The following PRUNE2 variants were observed in gnomAD, a reference collection of about 807,000 sequenced individuals.
PRUNE2 encodes protein prune homolog 2.
PRUNE2 carries 164 observed loss-of-function variants against 252.0 expected under a neutral mutation model. The observed-to-expected ratio is 0.65, with a 90% CI of 0.57 to 0.74. The LOEUF (loss-of-function observed/expected upper bound fraction) is 0.74. Among genes scored for constraint, PRUNE2 ranks in the 30% least tolerant of loss-of-function variants. The probability of loss-of-function intolerance (pLI) is 0.00; values close to 1 mark genes in which losing one functional copy is unlikely to be tolerated. For missense variants in PRUNE2, 3,495 were observed against 3,711.0 expected (o/e 0.94, Z 1.51); for synonymous variants, 1,292 against 1,350.2 (o/e 0.96, Z 0.94).
intron 6 of PRUNE2, among the ~76,000 whole-genome samples, chr9:76,724,950 C>A (rs1821660106): frequency 6.6e-6 from 1 of 151,952 alleles, no homozygotes; most frequent in Non-Finnish European, 1.5e-5. Flanking sequence ...TAGCCATGCT[C>A]TATTTTTGAA....
chr9:76,720,170 G>T (rs1363240988), intron 6 of PRUNE2, among the ~76,000 whole-genome samples: 1 of 152,190 alleles, frequency 6.6e-6, no homozygotes, highest in East Asian at 1.9e-4. Context: ...AAACACTCAT[G>T]ATACAGTGTT....
At chr9:76,886,986 G>C (rs966332062) in intron 1 of PRUNE2, among the ~76,000 whole-genome samples, 80 of 152,292 alleles carry the variant, frequency 5.3e-4, no homozygotes, top group African/African-American at 1.9e-3. Flanking sequence ...TTATGTGCCA[G>C]ACATAGTCTA....
intron 6 of PRUNE2, among the ~76,000 whole-genome samples, chr9:76,804,130 G>A (rs2056763150): frequency 6.6e-6 from 1 of 151,734 alleles, no homozygotes; most frequent in South Asian, 2.1e-4. Context: ...CAGGGTGCAG[G>A]CTGCTCAGGA....
At position 76,843,210 on chromosome 9, in the gene PRUNE2, A is replaced by G. The variant is rs923197164; in HGVS notation, c.508+3305T>C. Among the ~76,000 whole-genome samples the G allele has an allele frequency of 1.4e-4, 21 of 152,332 alleles. 1 individual carries two copies. Among genetic ancestry groups the G allele is most frequent in the African/African-American group, 5.1e-4 (21 of 41,572 alleles). ...AGGCTGGAAACCACCATTTCTCAGCAAACTAACACGGGAACAGAAAACCAA... is the reference window on the plus strand; with the variant it reads ...AGGCTGGAAACCACCATTTCTCAGCGAACTAACACGGGAACAGAAAACCAA... On this transcript the variant is annotated intron_variant, in intron 4 of 18. Transcript: ENST00000376718.
chr9:76,646,946 T>A (rs954453303), intron 11 of PRUNE2, among the ~76,000 whole-genome samples: 1 of 152,164 alleles, frequency 6.6e-6, no homozygotes, highest in Non-Finnish European at 1.5e-5. Flanking sequence ...CCCAGCACTC[T>A]GAAGGCCAAG....
At chr9:76,848,356 C>T (rs951050652) in intron 3 of PRUNE2, among the ~76,000 whole-genome samples, 8 of 152,122 alleles carry the variant, frequency 5.3e-5, no homozygotes, top group Non-Finnish European at 5.9e-5. Context: ...ATAAACTACC[C>T]GGAACTTTTA....
At chr9:76,654,711 C>A (rs957094677) in intron 10 of PRUNE2, among the ~76,000 whole-genome samples, 1 of 152,116 alleles carries the variant, frequency 6.6e-6, no homozygotes, top group Admixed American at 6.6e-5. Context: ...CTGTGGTTAC[C>A]AAGCATATTT....
intron 9 of PRUNE2, among the ~76,000 whole-genome samples, chr9:76,691,746 TTC>T (rs374252220): frequency 6.6e-6 from 1 of 152,212 alleles, no homozygotes; most frequent in Non-Finnish European, 1.5e-5. Context: ...CCTTTTATTT[TTC>T]TCTCTCCATT....
intron 1 of PRUNE2, among the ~76,000 whole-genome samples, chr9:76,854,634 T>A (rs543091331): frequency 1.3e-5 from 2 of 152,146 alleles, no homozygotes; most frequent in South Asian, 4.1e-4. Context: ...AGACACAGAG[T>A]TTGGTAAGGA....
At chr9:76,659,747 A>G (rs1043397507) in intron 9 of PRUNE2, among the ~76,000 whole-genome samples, 2 of 152,130 alleles carry the variant, frequency 1.3e-5, no homozygotes, top group Non-Finnish European at 2.9e-5. Flanking sequence ...GCACTGAAGA[A>G]CATGAATTTT....
chr9:76,657,851 A>G (rs896458297), intron 9 of PRUNE2, among the ~76,000 whole-genome samples: 1 of 152,156 alleles, frequency 6.6e-6, no homozygotes, highest in African/African-American at 2.4e-5. Context: ...TACTGCACAA[A>G]TCTCCACAGA....
chr9:76,646,671 T>C (rs866507417), intron 11 of PRUNE2, among the ~76,000 whole-genome samples: 40 of 152,154 alleles, frequency 2.6e-4, no homozygotes, highest in African/African-American at 8.9e-4. Context: ...CAATTTCCCA[T>C]CTGGTCTCTA....
At chr9:76,730,600 TG>T (rs2048474288) in intron 6 of PRUNE2, among the ~76,000 whole-genome samples, 1 of 152,114 alleles carries the variant, frequency 6.6e-6, no homozygotes, top group East Asian at 1.9e-4. Flanking sequence ...GTTCTACCCC[TG>T]AAATAAAAGA....
chr9:76,762,684 C>G (rs951817009), intron 6 of PRUNE2, among the ~76,000 whole-genome samples: 1 of 152,126 alleles, frequency 6.6e-6, no homozygotes, highest in Non-Finnish European at 1.5e-5. Context: ...CCAGTCCTAG[C>G]TCTTGTATGG....
At chr9:76,806,984 A>C (rs1209389625) in intron 6 of PRUNE2, among the ~76,000 whole-genome samples, 2 of 151,678 alleles carry the variant, frequency 1.3e-5, no homozygotes, top group Non-Finnish European at 2.9e-5. Flanking sequence ...ACTCCAACCC[A>C]AGTAGATTCC....
At chr9:76,882,298 A>G (rs929231305) in intron 1 of PRUNE2, among the ~76,000 whole-genome samples, 1 of 152,204 alleles carries the variant, frequency 6.6e-6, no homozygotes, top group Non-Finnish European at 1.5e-5. Context: ...ATATATGATG[A>G]TTATAATTAC....
At chr9:76,837,476 A>ATAATAATAATGC (rs1188831288) in intron 4 of PRUNE2, among the ~76,000 whole-genome samples, 1 of 42,608 alleles carries the variant, frequency 2.3e-5, no homozygotes, top group African/African-American at 1.3e-4. Context: ...AATAATAATA[A>ATAATAATAATGC]TGCTATTAAA....
At chr9:76,805,229 C>A (rs1040351610) in intron 6 of PRUNE2, among the ~76,000 whole-genome samples, 1 of 152,204 alleles carries the variant, frequency 6.6e-6, no homozygotes, top group Non-Finnish European at 1.5e-5. Flanking sequence ...GTGAGGCCAC[C>A]CTGCATCAGC....
At chr9:76,875,431 T>C (rs912125511) in intron 1 of PRUNE2, among the ~76,000 whole-genome samples, 1 of 152,202 alleles carries the variant, frequency 6.6e-6, no homozygotes, top group Non-Finnish European at 1.5e-5. Context: ...AGCGGCATGA[T>C]CTCGGCTCAC....
Sources: allele counts gnomAD v4.1 joint callset (sites outside exome capture counted in the v4.1 genomes callset), GRCh38; gene constraint gnomAD v4.1.1; transcripts MANE v1.5; gene names NCBI Gene and HGNC (gene_info 2026-07-23, HGNC 2026-07-21).